TTC39B: variants seen among roughly 807,000 people sequenced by gnomAD.
TTC39B encodes the protein tetratricopeptide repeat domain 39B.
In TTC39B, 92 loss-of-function variants were observed where a neutral mutation model predicts 96.6. The ratio of observed to expected loss-of-function variants is 0.95; its 90% CI spans 0.80 to 1.13. The LOEUF is 1.13. TTC39B is among the 50% of genes most tolerant of loss of function. The pLI is 0.00. For missense variants in TTC39B, 955 were observed against 809.3 expected, an observed-to-expected ratio of 1.18 and a Z score of -2.18; for synonymous variants, 367 against 299.4, an observed-to-expected ratio of 1.23 and a Z score of -2.33.
chr9:15,278,931 T>C (rs1209848052), intron 1 of TTC39B, among the ~76,000 whole-genome samples: 2 of 152,178 alleles, frequency 1.3e-5, no homozygotes, highest in African/African-American at 2.4e-5. Flanking sequence ...TTAATCTTCA[T>C]AGTGACCCTA....
intron 2 of TTC39B, among the ~76,000 whole-genome samples, chr9:15,227,145 A>G (rs1423986640): frequency 6.6e-6 from 1 of 152,050 alleles, no homozygotes; most frequent in African/African-American, 2.4e-5. Flanking sequence ...CGTCTCTACT[A>G]AAAATACAAA....
In TTC39B at chr9:15,182,290, T is replaced by C. The variant is rs1210091170; in HGVS notation, c.1723+17A>G. ...AGCAGAGACAAAGGCTCCTCGGTGC[T>C]TACTGTGTATACTTACTTTGACTTT... On this transcript the variant is annotated intron_variant, in intron 17 of 19. Transcript: ENST00000512701. The C allele has an allele frequency of 6.5e-7, 1 of 1,549,398 alleles. No homozygotes were observed. The highest frequency in any genetic ancestry group is 1.4e-5 in the African/African-American group (1 of 72,650).
At chr9:15,184,241 T>C (rs868353407) in intron 16 of TTC39B, among the ~76,000 whole-genome samples, 3 of 152,100 alleles carry the variant, frequency 2.0e-5, no homozygotes, top group Non-Finnish European at 2.9e-5. Flanking sequence ...TTTAACAATA[T>C]CTACCAAAAT....
At chr9:15,299,602 G>A (rs1824508009) in intron 1 of TTC39B, among the ~76,000 whole-genome samples, 1 of 152,138 alleles carries the variant, frequency 6.6e-6, no homozygotes, top group African/African-American at 2.4e-5. Context: ...TCTCCCCCAG[G>A]AAGCCTCAAA....
chr9:15,211,141 A>G, intron 5 of TTC39B, 125 bp downstream of exon 5: 1 of 1,166,530 alleles, frequency 8.6e-7, no homozygotes, highest in Non-Finnish European at 1.1e-6. Context: ...TCGAGGCTGA[A>G]TTTCTTTTCT....
intron 1 of TTC39B, among the ~76,000 whole-genome samples, chr9:15,275,293 G>A (rs12342467): frequency 6.6e-6 from 1 of 152,046 alleles, no homozygotes; most frequent in East Asian, 1.9e-4. Context: ...TGCCCGCCTC[G>A]GCCTCCCAAA....
At chr9:15,202,794 C>T (rs577836742) in intron 7 of TTC39B, among the ~76,000 whole-genome samples, 3 of 151,326 alleles carry the variant, frequency 2.0e-5, no homozygotes, top group African/African-American at 7.3e-5. Context: ...GAATTTCTTT[C>T]TGATTTCTTA....
intron 3 of TTC39B, among the ~76,000 whole-genome samples, chr9:15,220,860 G>C (rs1820803339): frequency 6.6e-6 from 1 of 152,188 alleles, no homozygotes; most frequent in Admixed American, 6.5e-5. Context: ...CACATTTTGG[G>C]CAAGAGTCTA....
chr9:15,213,917 G>A (rs755181023), intron 4 of TTC39B, among the ~76,000 whole-genome samples: 1 of 152,152 alleles, frequency 6.6e-6, no homozygotes, highest in Non-Finnish European at 1.5e-5. Context: ...CTGAACAAGA[G>A]AGATTAAAAT....
chr9:15,240,987 C>T (rs978176216), intron 2 of TTC39B, among the ~76,000 whole-genome samples: 3 of 152,140 alleles, frequency 2.0e-5, no homozygotes, highest in Admixed American at 6.5e-5. Flanking sequence ...TAAAAACGAA[C>T]AATGATTCAT....
chr9:15,304,507 A>G (rs1824694374), intron 1 of TTC39B, among the ~76,000 whole-genome samples: 1 of 152,180 alleles, frequency 6.6e-6, no homozygotes, highest in Non-Finnish European at 1.5e-5. Context: ...ACAAATTAAA[A>G]AATCAATTTA....
exon 5 of TTC39B, chr9:15,211,307 G>A (rs767405511): frequency 1.6e-5 from 26 of 1,588,580 alleles, no homozygotes; most frequent in East Asian, 4.7e-5. Flanking sequence ...CAGAAATGCC[G>A]TTCTGGATGT....
At chr9:15,277,570 G>A (rs1823593140) in intron 1 of TTC39B, among the ~76,000 whole-genome samples, 1 of 151,918 alleles carries the variant, frequency 6.6e-6, no homozygotes, top group Non-Finnish European at 1.5e-5. Context: ...AACACAGTGA[G>A]ACATTGCCCA....
At chr9:15,233,304 AG>A (rs1291141732) in intron 2 of TTC39B, among the ~76,000 whole-genome samples, 1 of 152,082 alleles carries the variant, frequency 6.6e-6, no homozygotes, top group East Asian at 1.9e-4. Context: ...CACGGCGACA[AG>A]GAGAAGGGAG....
chr9:15,178,061 G>A (rs574577651), intron 17 of TTC39B, among the ~76,000 whole-genome samples: 9 of 151,606 alleles, frequency 5.9e-5, no homozygotes, highest in Non-Finnish European at 1.0e-4. Flanking sequence ...AGTAGAGATG[G>A]GGTTTCACCG....
At chr9:15,223,524 A>G (rs546948388) in intron 3 of TTC39B, among the ~76,000 whole-genome samples, 8 of 152,176 alleles carry the variant, frequency 5.3e-5, no homozygotes, top group Non-Finnish European at 1.2e-4. Flanking sequence ...TACCAGGAGG[A>G]GTAACATATG....
At chr9:15,301,512 T>C (rs1824587996) in intron 1 of TTC39B, among the ~76,000 whole-genome samples, 2 of 152,196 alleles carry the variant, frequency 1.3e-5, no homozygotes, top group South Asian at 2.1e-4. Flanking sequence ...CCCAGCACTT[T>C]GGAAAGCCCA....
intron 17 of TTC39B, among the ~76,000 whole-genome samples, chr9:15,178,367 G>A (rs185071053): frequency 6.6e-6 from 1 of 152,242 alleles, no homozygotes; most frequent in East Asian, 1.9e-4. Context: ...GAGCCCAGGA[G>A]TTCAGGACCA....
chr9:15,164,185 C>A (rs185962464), exon 20 of TTC39B: 9 of 152,100 alleles, frequency 5.9e-5, no homozygotes, highest in Non-Finnish European at 1.0e-4. Context: ...AAATGTTTTG[C>A]TCTGCAAAAC....
Sources: allele counts gnomAD v4.1 joint callset (sites outside exome capture counted in the v4.1 genomes callset), GRCh38; gene constraint gnomAD v4.1.1; transcripts MANE v1.5; gene names NCBI Gene and HGNC (gene_info 2026-07-23, HGNC 2026-07-21).